COLEC11: variants seen among roughly 807,000 people sequenced by gnomAD.
COLEC11 encodes the protein collectin subfamily member 11.
Under a neutral mutation model 27.3 loss-of-function variants are expected in COLEC11, and 20 were observed. That is an observed-to-expected ratio of 0.73 (90% confidence interval 0.51 to 1.06). The LOEUF (loss-of-function observed/expected upper bound fraction) is 1.06. Ranked by LOEUF, COLEC11 falls within the 50% of genes least tolerant of loss-of-function variation. The probability of loss-of-function intolerance (pLI) is 0.00; values close to 1 mark genes in which losing one functional copy is unlikely to be tolerated. For missense variants in COLEC11, 310 were observed against 383.0 expected (o/e 0.81, Z 1.59); for synonymous variants, 163 against 154.7 (o/e 1.05, Z -0.40).
chr2:3,606,012 G>A (rs1662662052), intron 2 of COLEC11: 2 of 1,491,130 alleles, frequency 1.3e-6, no homozygotes, highest in Non-Finnish European at 1.8e-6. Context: ...GTTTAATTAT[G>A]TTGGAAGCAA....
At chr2:3,613,491 C>A (rs1663403067) in intron 3 of COLEC11, 109 bp downstream of exon 3, 3 of 1,149,662 alleles carry the variant, frequency 2.6e-6, no homozygotes, top group Non-Finnish European at 3.8e-6. Context: ...ACAGGCCCTG[C>A]CCTCTGGGTC....
At chr2:3,610,628 G>A (rs746345533) in intron 2 of COLEC11, among the ~76,000 whole-genome samples, 7 of 152,096 alleles carry the variant, frequency 4.6e-5, no homozygotes, top group East Asian at 1.9e-4. Flanking sequence ...CCTCGGGCTC[G>A]TGGCTCGCTC....
intron 1 of COLEC11, 40 bp downstream of exon 1, chr2:3,595,208 G>C (rs778276020): frequency 8.4e-5 from 26 of 311,240 alleles, no homozygotes; most frequent in East Asian, 3.0e-4. Flanking sequence ...AGGGTTTCAC[G>C]GGGCTATGAC....
Position 3,604,347 on chromosome 2 carries a change from G to C in COLEC11, c.7G>C (p.Gly3Arg), listed in dbSNP as rs1176546087. The C allele has an allele frequency of 6.2e-7, 1 of 1,614,236 alleles. No individual in the cohort carries two copies. Residue 3 changes from glycine (G) to arginine (R), a missense_variant, in exon 2 of 7, where the codon GGG becomes CGG. Gly to Arg is a moderately radical substitution (Grantham distance 125). Transcript: ENST00000349077. Reference protein sequence around the residue: MRGNLALVGVLIS... With the variant: MRRNLALVGVLIS... ...TGTCCTGCCTGCGCTCAGGATGAGG[G>C]GGAATCTGGCCCTGGTGGGCGTTCT...
chr2:3,643,630 C>T, intron 6 of COLEC11, 91 bp downstream of exon 6: 1 of 1,598,836 alleles, frequency 6.3e-7, no homozygotes, highest in South Asian at 1.1e-5. Flanking sequence ...CCCACGCCTG[C>T]CCTGCCTGCC....
chr2:3,616,523 G>A (rs928955401), intron 3 of COLEC11, among the ~76,000 whole-genome samples: 1 of 152,330 alleles, frequency 6.6e-6, no homozygotes, highest in African/African-American at 2.4e-5. Context: ...TCGGGAGGCC[G>A]AGGCTGGCAG....
intron 1 of COLEC11, among the ~76,000 whole-genome samples, chr2:3,600,625 C>T (rs1013471902): frequency 2.6e-5 from 4 of 152,204 alleles, no homozygotes. Context: ...AGGAGAAGTT[C>T]GCATTCAGGA....
At chr2:3,642,956 C>T (rs1665982096) in intron 5 of COLEC11, among the ~76,000 whole-genome samples, 1 of 152,210 alleles carries the variant, frequency 6.6e-6, no homozygotes, top group Non-Finnish European at 1.5e-5. Flanking sequence ...TGAGTGTTGG[C>T]AGATTCCACC....
At chr2:3,606,198 T>G in intron 2 of COLEC11, 1 of 1,550,468 alleles carries the variant, frequency 6.4e-7, no homozygotes, top group Non-Finnish European at 8.7e-7. Flanking sequence ...CCCAATGTGG[T>G]GGGTGCCTCC....
At chr2:3,622,930 C>G (rs1454563401) in intron 3 of COLEC11, among the ~76,000 whole-genome samples, 1 of 152,170 alleles carries the variant, frequency 6.6e-6, no homozygotes. Context: ...TAATTAGCAT[C>G]CTTTTGTTTC....
chr2:3,596,810 T>G (rs1661868312), intron 1 of COLEC11, among the ~76,000 whole-genome samples: 1 of 152,190 alleles, frequency 6.6e-6, no homozygotes, highest in Non-Finnish European at 1.5e-5. Context: ...TAGCTGTGGC[T>G]TCTCCGTTTA....
intron 3 of COLEC11, among the ~76,000 whole-genome samples, chr2:3,627,730 G>T (rs1337206049): frequency 6.6e-6 from 1 of 151,482 alleles, no homozygotes; most frequent in Non-Finnish European, 1.5e-5. Context: ...TGCTGGGCAT[G>T]ATGATGGTAG....
chr2:3,611,106 C>T (rs756958748), intron 2 of COLEC11, among the ~76,000 whole-genome samples: 3 of 152,234 alleles, frequency 2.0e-5, no homozygotes, highest in South Asian at 2.1e-4. Flanking sequence ...TTCGCAGCCA[C>T]GAAGGCTTTG....
At chr2:3,612,451 C>T (rs1322154230) in intron 2 of COLEC11, among the ~76,000 whole-genome samples, 3 of 152,148 alleles carry the variant, frequency 2.0e-5, no homozygotes, top group African/African-American at 4.8e-5. Flanking sequence ...GGACAGGAGC[C>T]GGCTGACCAG....
At position 3,595,123 on chromosome 2, in the gene COLEC11, G is replaced by A. The variant is rs1292453934; in HGVS notation, c.-72G>A. 1 of 367,458 alleles carries A rather than the reference G, an allele frequency of 2.7e-6. No individual in the cohort carries two copies. The highest frequency in any genetic ancestry group is 1.9e-5 in the South Asian group (1 of 51,854). 22.8% of individuals were successfully genotyped at this position (367,458 alleles called of 1,614,324 possible). On this transcript the variant is annotated 5_prime_UTR_variant, in exon 1 of 7. Transcript: ENST00000349077. ...AGGCGCCTGGGGGCAGTGTCCTCGC[G>A]GGCCAGCGACGGGCAGGACGCCCCG...
At chr2:3,627,151 T>G (rs1156297578) in intron 3 of COLEC11, among the ~76,000 whole-genome samples, 1 of 152,128 alleles carries the variant, frequency 6.6e-6, no homozygotes, top group African/African-American at 2.4e-5. Context: ...AGAAAAACAG[T>G]GACCTCTGCG....
At position 3,623,754 on chromosome 2, in the gene COLEC11, T is replaced by C. The variant is rs191781540; in HGVS notation, c.202+10372T>C. On this transcript the variant is annotated intron_variant, in intron 3 of 6. Transcript: ENST00000349077. ...TGTGTCTATGTTCTCTTGTATCTCA[T>C]TGAGCTTCCTTAAAATGATTATTTT... is the stretch of plus-strand genomic sequence containing the variant. Among the ~76,000 whole-genome samples, 364 of 152,332 alleles carry C rather than the reference T, an allele frequency of 2.4e-3. 2 individuals are homozygous for C. The highest frequency in any genetic ancestry group is 8.1e-3 in the African/African-American group (337 of 41,584).
intron 5 of COLEC11, chr2:3,641,265 A>C: frequency 1.5e-6 from 2 of 1,304,310 alleles, no homozygotes; most frequent in Non-Finnish European, 2.0e-6. Context: ...AGAGATGAGG[A>C]GGAACGGCTG....
At chr2:3,604,960 AG>A in intron 2 of COLEC11, 1 of 431,764 alleles carries the variant, frequency 2.3e-6, no homozygotes, top group Non-Finnish European at 4.7e-6. Flanking sequence ...AAAAAAAGAC[AG>A]GAACTTTTTT....
Sources: gnomAD v4.1 joint callset for allele counts (sites outside exome capture counted in the v4.1 genomes callset) on GRCh38, gnomAD v4.1.1 for gene constraint, MANE v1.5 for transcripts, NCBI Gene and HGNC (gene_info 2026-07-23, HGNC 2026-07-21) for gene names.